CRYBG3: variants seen among roughly 807,000 people sequenced by gnomAD.
The protein encoded by CRYBG3 is very large A-kinase anchor protein.
A neutral mutation model predicts 244.2 loss-of-function variants in CRYBG3; 127 were observed. The observed-to-expected ratio is 0.52, with a 90% CI of 0.45 to 0.60. CRYBG3 has a LOEUF of 0.60. Among genes scored for constraint, CRYBG3 ranks in the 20% least tolerant of loss-of-function variants. CRYBG3 has a pLI of 0.00. For missense variants in CRYBG3, 3,325 were observed against 3,442.5 expected (o/e 0.97, Z 0.85); for synonymous variants, 1,132 against 1,195.8 (o/e 0.95, Z 1.10).
intron 2 of CRYBG3, among the ~76,000 whole-genome samples, chr3:97,847,826 T>C (rs192632740): frequency 1.3e-5 from 2 of 152,364 alleles, no homozygotes; most frequent in East Asian, 3.9e-4. Context: ...GTATTTGGTG[T>C]ATGCCTGTGA....
chr3:97,918,160 G>A (rs1448910087), intron 17 of CRYBG3, among the ~76,000 whole-genome samples: 2 of 152,288 alleles, frequency 1.3e-5, no homozygotes, highest in Admixed American at 1.3e-4. Context: ...TAGGGATGTT[G>A]CCTGCAGTTG....
At position 97,873,444 on chromosome 3, in the gene CRYBG3, C is replaced by T. The variant is rs991378751; in HGVS notation, c.2250C>T (p.Ala750=). Residue 750 remains alanine, a synonymous_variant, in exon 4 of 22, where the codon GCC becomes GCT. Coordinates refer to ENST00000389622, the MANE Select transcript of CRYBG3 (RefSeq NM_153605.4). ...EKCQVLPGSE[A]SGPHLTGLEL... ...GCCAGGTTCTTCCAGGTTCTGAAGC[C>T]AGTGGCCCTCACTTAACTGGGTTGG... 2.0e-6 allele frequency: 3 copies of T among 1,535,108 alleles called. No homozygotes were observed. Among genetic ancestry groups the T allele is most frequent in the Non-Finnish European group, 2.6e-6 (3 of 1,146,660 alleles).
intron 3 of CRYBG3, among the ~76,000 whole-genome samples, chr3:97,868,813 A>G (rs1278565074): frequency 1.3e-5 from 2 of 152,130 alleles, no homozygotes; most frequent in Non-Finnish European, 2.9e-5. Flanking sequence ...TTGAGGTTTG[A>G]TTAAGAGAGA....
intron 2 of CRYBG3, among the ~76,000 whole-genome samples, chr3:97,855,016 G>A (rs879600707): frequency 2.6e-5 from 4 of 151,880 alleles, no homozygotes; most frequent in South Asian, 2.1e-4. Context: ...TTTCATTGAG[G>A]TACATTCCTT....
At chr3:97,865,240 AC>A (rs1161566684) in intron 3 of CRYBG3, among the ~76,000 whole-genome samples, 7 of 152,258 alleles carry the variant, frequency 4.6e-5, no homozygotes, top group African/African-American at 1.7e-4. Flanking sequence ...AATGTTTATA[AC>A]ATTGTTGAGT....
chr3:97,879,488 G>A lies in CRYBG3; in HGVS notation c.6844-216G>A, dbSNP rs140286296. Among the ~76,000 whole-genome samples, 9 of 152,206 alleles carry A rather than the reference G, an allele frequency of 5.9e-5. 1 individual carries two copies. Among genetic ancestry groups the A allele is most frequent in the African/African-American group, 2.2e-4 (9 of 41,512 alleles). On this transcript the variant is annotated intron_variant, in intron 4 of 21. Transcript: ENST00000389622. ...GCTATGCAAATATGATCATCTGTTT[G>A]ACCCATTCTAAGCTATGTACTTCTT...
At position 97,873,414 on chromosome 3, in the gene CRYBG3, A is replaced by G; in HGVS notation, c.2220A>G (p.Glu740=). 6.5e-7 allele frequency: 1 copy of G among 1,535,406 alleles called. No homozygotes were observed. The highest frequency in any genetic ancestry group is 8.7e-7 in the Non-Finnish European group (1 of 1,146,724). Residue 740 remains glutamate, a synonymous_variant, in exon 4 of 22, where the codon GAA becomes GAG. Transcript: ENST00000389622. ...FEFKEVLSNS[E]KCQVLPGSEA... ...TCAAAGAAGTTCTTTCTAATAGTGA[A>G]AAATGCCAGGTTCTTCCAGGTTCTG...
intron 1 of CRYBG3, among the ~76,000 whole-genome samples, chr3:97,830,226 C>A (rs941268470): frequency 2.6e-5 from 4 of 152,146 alleles, no homozygotes; most frequent in African/African-American, 9.7e-5. Context: ...CCTTGTTTTT[C>A]ATTTGCTTAT....
intron 17 of CRYBG3, among the ~76,000 whole-genome samples, chr3:97,924,015 AC>A (rs1241155398): frequency 6.6e-6 from 1 of 152,094 alleles, no homozygotes; most frequent in East Asian, 1.9e-4. Context: ...TTTAAGAACA[AC>A]ATGTAGGGTC....
chr3:97,910,217 C>A (rs1164494665), intron 15 of CRYBG3, among the ~76,000 whole-genome samples: 8 of 151,914 alleles, frequency 5.3e-5, no homozygotes, highest in South Asian at 2.1e-4. Flanking sequence ...CTGTGCCCTG[C>A]CCCCAGAGGT....
Position 97,917,557 on chromosome 3 carries a change from G to T in CRYBG3, c.8241+1821G>T, listed in dbSNP as rs372743557. ...TGGATATCCTACAAAGATCTGCAAA[G>T]TGACCATGAAGACACCTCAACAGGG... On this transcript the variant is annotated intron_variant, in intron 17 of 21. Coordinates refer to ENST00000389622, the MANE Select transcript of CRYBG3 (RefSeq NM_153605.4). Among the ~76,000 whole-genome samples the T allele has an allele frequency of 5.9e-5, 9 of 152,208 alleles. 1 individual carries two copies. The highest frequency in any genetic ancestry group is 2.2e-4 in the African/African-American group (9 of 41,540).
At position 97,898,796 on chromosome 3, in the gene CRYBG3, C is replaced by T. The variant is rs946438590; in HGVS notation, c.7702-87C>T. On this transcript the variant is annotated intron_variant, in intron 12 of 21. Transcript: ENST00000389622. ...GGAGTTATTTGTGTAAAAATTACCCCATCAGTATGTGATATTTTGCTAGAT... is the reference window on the plus strand; with the variant it reads ...GGAGTTATTTGTGTAAAAATTACCCTATCAGTATGTGATATTTTGCTAGAT... The T allele has an allele frequency of 1.3e-5, 11 of 870,880 alleles. No homozygotes were observed. The East Asian group carries it at 2.3e-4, about 18-fold the overall frequency. The allele number at this position is 870,880 out of a possible 1,614,324, so 53.9% of individuals were successfully genotyped here. A position where few individuals can be genotyped will look rare whatever the true frequency, so the allele number is the denominator to read the frequency against.
At chr3:97,886,070 T>C (rs2039503960) in intron 7 of CRYBG3, among the ~76,000 whole-genome samples, 1 of 152,194 alleles carries the variant, frequency 6.6e-6, no homozygotes. Flanking sequence ...AATGCTTTTC[T>C]TCTTCAAACC....
intron 3 of CRYBG3, among the ~76,000 whole-genome samples, chr3:97,868,989 A>G (rs936700897): frequency 6.6e-6 from 1 of 151,972 alleles, no homozygotes; most frequent in Admixed American, 6.5e-5. Context: ...GGTTTTAGGT[A>G]TGAAATGTTA....
At chr3:97,825,751 G>A (rs924052896) in intron 1 of CRYBG3, among the ~76,000 whole-genome samples, 2 of 152,168 alleles carry the variant, frequency 1.3e-5, no homozygotes, top group Non-Finnish European at 2.9e-5. Context: ...ACCCTAAATC[G>A]TGAGAGGAGG....
Position 97,874,784 on chromosome 3 carries a change from T to C in CRYBG3, c.3590T>C (p.Leu1197Pro), listed in dbSNP as rs1293718776. 2 of 1,536,056 alleles carry C rather than the reference T, an allele frequency of 1.3e-6. No individual in the cohort carries two copies. The highest frequency in any genetic ancestry group is 8.7e-7 in the Non-Finnish European group (1 of 1,146,886). Residue 1197 changes from leucine (L) to proline (P), a missense_variant, in exon 4 of 22, where the codon CTC (leucine) becomes CCC (proline). Around this residue, in one of 4 missense-constraint regions of CRYBG3, gnomAD observed 1,526 missense variants for 1,443.2 expected, o/e 1.06. Coordinates refer to ENST00000389622, the MANE Select transcript of CRYBG3 (RefSeq NM_153605.4). Reference protein sequence around the residue: ...DQLLDLKSSLLKKADTLIGEI... With the variant: ...DQLLDLKSSLPKKADTLIGEI... ...CTTTTGGACCTCAAAAGTAGTTTAC[T>C]CAAAAAGGCCGATACATTGATTGGT...
chr3:97,830,935 C>G (rs1353324739), intron 1 of CRYBG3, among the ~76,000 whole-genome samples: 1 of 152,102 alleles, frequency 6.6e-6, no homozygotes. Flanking sequence ...CTTGGTATTC[C>G]AGAGTCTGGA....
At chr3:97,931,550 C>T (rs1575973737) in intron 17 of CRYBG3, among the ~76,000 whole-genome samples, 1 of 152,158 alleles carries the variant, frequency 6.6e-6, no homozygotes, top group East Asian at 1.9e-4. Flanking sequence ...CATCTCTAAA[C>T]CTGGTCTTTC....
intron 17 of CRYBG3, among the ~76,000 whole-genome samples, chr3:97,930,004 T>G (rs1264885952): frequency 3.9e-5 from 6 of 152,214 alleles, no homozygotes; most frequent in African/African-American, 1.4e-4. Flanking sequence ...AATATCTTTG[T>G]AGGCATTCTG....
Sources: gnomAD v4.1 joint callset for allele counts (sites outside exome capture counted in the v4.1 genomes callset) on GRCh38, gnomAD v4.1.1 for gene constraint, gnomAD v4.1.1 regional missense constraint, MANE v1.5 for transcripts, NCBI Gene and HGNC (gene_info 2026-07-23, HGNC 2026-07-21) for gene names.